The following ZMAT4 variants were observed in gnomAD, a reference collection of about 807,000 sequenced individuals.
ZMAT4 encodes zinc finger matrin-type 4, also known as zinc finger matrin-type protein 4.
In ZMAT4, 17 loss-of-function variants were observed where a neutral mutation model predicts 28.7. The ratio of observed to expected loss-of-function variants is 0.59; its 90% CI spans 0.41 to 0.89. The LOEUF (loss-of-function observed/expected upper bound fraction) is 0.89, where lower values mean the gene tolerates loss of function less well. Among genes scored for constraint, ZMAT4 ranks in the 40% least tolerant of loss-of-function variants. The pLI, the probability that ZMAT4 is intolerant of heterozygous loss-of-function variation, is 0.00. For synonymous variants in ZMAT4, 117 were observed against 109.2 expected (o/e 1.07, Z -0.44); for missense variants, 240 against 283.8 (o/e 0.85, Z 1.11).
intron 5 of ZMAT4, among the ~76,000 whole-genome samples, chr8:40,602,394 G>T (rs1359233092): frequency 6.6e-6 from 1 of 152,154 alleles, no homozygotes. Context: ...TAGTGGGAAT[G>T]CTGGCTGGAT....
At chr8:40,599,886 C>T (rs543669451) in intron 5 of ZMAT4, among the ~76,000 whole-genome samples, 2 of 152,332 alleles carry the variant, frequency 1.3e-5, no homozygotes, top group South Asian at 2.1e-4. Flanking sequence ...TTCCTTACCA[C>T]GCACAGTGCC....
chr8:40,553,045 G>T (rs1803414203), intron 6 of ZMAT4, among the ~76,000 whole-genome samples: 1 of 152,146 alleles, frequency 6.6e-6, no homozygotes, highest in Non-Finnish European at 1.5e-5. Context: ...GGCATAAATG[G>T]GTTAAAGGTG....
At chr8:40,836,214 G>T (rs564915197) in intron 1 of ZMAT4, among the ~76,000 whole-genome samples, 14 of 152,274 alleles carry the variant, frequency 9.2e-5, no homozygotes, top group African/African-American at 2.9e-4. Flanking sequence ...CCATAGAAAG[G>T]TTATTGTATG....
intron 1 of ZMAT4, among the ~76,000 whole-genome samples, chr8:40,867,098 G>T (rs531994942): frequency 6.6e-6 from 1 of 152,184 alleles, no homozygotes; most frequent in Admixed American, 6.5e-5. Flanking sequence ...GCCTCTAGCC[G>T]ATGTTATTGC....
intron 1 of ZMAT4, among the ~76,000 whole-genome samples, chr8:40,877,193 C>A (rs1563260741): frequency 6.6e-6 from 1 of 152,174 alleles, no homozygotes; most frequent in Admixed American, 6.5e-5. Flanking sequence ...GAACAGTGGT[C>A]AGGGGCAGAT....
intron 5 of ZMAT4, among the ~76,000 whole-genome samples, chr8:40,662,567 C>T (rs1808247000): frequency 6.6e-6 from 1 of 152,088 alleles, no homozygotes; most frequent in Non-Finnish European, 1.5e-5. Context: ...CTTAACCAAG[C>T]GTCTTTAGAG....
At chr8:40,642,328 A>T (rs924893649) in intron 5 of ZMAT4, among the ~76,000 whole-genome samples, 7 of 152,212 alleles carry the variant, frequency 4.6e-5, no homozygotes, top group African/African-American at 1.7e-4. Flanking sequence ...AGGGTATCCA[A>T]CAAAAGTTAT....
intron 1 of ZMAT4, among the ~76,000 whole-genome samples, chr8:40,887,096 A>G (rs996571358): frequency 1.2e-4 from 18 of 146,328 alleles, no homozygotes; most frequent in South Asian, 4.5e-4. Flanking sequence ...GCGTGAACCC[A>G]GGAGGCGGAG....
At chr8:40,664,443 C>CTA (rs1257203941) in intron 5 of ZMAT4, among the ~76,000 whole-genome samples, 3 of 152,190 alleles carry the variant, frequency 2.0e-5, no homozygotes, top group African/African-American at 7.2e-5. Context: ...AGGTTGCCAC[C>CTA]ACCATGATCC....
intron 5 of ZMAT4, among the ~76,000 whole-genome samples, chr8:40,658,066 T>C (rs988672474): frequency 6.6e-5 from 10 of 152,348 alleles, no homozygotes; most frequent in African/African-American, 2.4e-4. Flanking sequence ...CCATGTATAT[T>C]TTTCACTTTG....
At chr8:40,860,715 G>A (rs1173517608) in intron 1 of ZMAT4, among the ~76,000 whole-genome samples, 2 of 152,196 alleles carry the variant, frequency 1.3e-5, no homozygotes, top group African/African-American at 2.4e-5. Context: ...TACCCAAAAT[G>A]GTCCACAGAT....
At chr8:40,580,254 C>T (rs995152998) in intron 6 of ZMAT4, among the ~76,000 whole-genome samples, 3 of 151,944 alleles carry the variant, frequency 2.0e-5, no homozygotes, top group Admixed American at 1.3e-4. Flanking sequence ...CCTCCTGATC[C>T]GCCCACCTCA....
intron 4 of ZMAT4, among the ~76,000 whole-genome samples, chr8:40,686,530 AG>A (rs1474417333): frequency 6.6e-6 from 1 of 152,100 alleles, no homozygotes; most frequent in African/African-American, 2.4e-5. Context: ...GCTACTCGGG[AG>A]TCTGAGGTGA....
intron 6 of ZMAT4, among the ~76,000 whole-genome samples, chr8:40,575,692 A>G (rs920151417): frequency 4.9e-5 from 7 of 144,028 alleles, no homozygotes; most frequent in African/African-American, 1.9e-4. Flanking sequence ...ATTCCATAAA[A>G]TTGGAAGAGG....
Position 40,680,567 on chromosome 8 carries a change from T to C in ZMAT4, c.350-5636A>G, listed in dbSNP as rs544036312. On this transcript the variant is annotated intron_variant, in intron 4 of 6. Transcript: ENST00000297737. ...TTAGCTGGGGAAGAGGGTGACACCG[T>C]CAGCAGTGAGATAGATTCCTACCTG... Among the ~76,000 whole-genome samples the C allele has an allele frequency of 4.6e-5, 7 of 152,162 alleles. No individual in the cohort carries two copies. In the South Asian group the frequency reaches 1.5e-3, roughly 32 times the overall value.
At chr8:40,615,796 C>A (rs1805981472) in intron 5 of ZMAT4, among the ~76,000 whole-genome samples, 1 of 152,270 alleles carries the variant, frequency 6.6e-6, no homozygotes, top group South Asian at 2.1e-4. Flanking sequence ...TTAAGGACTT[C>A]TCTACACTGA....
chr8:40,792,713 A>G (rs1211427660), intron 2 of ZMAT4, among the ~76,000 whole-genome samples: 8 of 4,824 alleles, frequency 1.7e-3, no homozygotes, highest in South Asian at 0.013. Context: ...GGAGGGGAGG[A>G]GGTGGGGAGG....
chr8:40,697,634 T>C (rs571593198), intron 3 of ZMAT4, among the ~76,000 whole-genome samples: 70 of 152,134 alleles, frequency 4.6e-4, no homozygotes, highest in Non-Finnish European at 7.6e-4. Context: ...TAGGTATACA[T>C]GTGCCATGGT....
In ZMAT4 at chr8:40,892,939, C is replaced by T. The variant is rs1319085868; in HGVS notation, c.-5+4744G>A. ...CTGTGGCTCCTGCCTCAGCTAAAAGCCCCTGCTTATCCGTTTCCTAAAGAT... is the reference window on the plus strand; with the variant it reads ...CTGTGGCTCCTGCCTCAGCTAAAAGTCCCTGCTTATCCGTTTCCTAAAGAT... On this transcript the variant is annotated intron_variant, in intron 1 of 6. Coordinates refer to ENST00000297737, the MANE Select transcript of ZMAT4 (RefSeq NM_024645.3). Among the ~76,000 whole-genome samples, 12 of 152,204 alleles carry T rather than the reference C, an allele frequency of 7.9e-5. No individual in the cohort carries two copies. In the East Asian group the frequency reaches 2.3e-3, roughly 29 times the overall value.
Sources: allele counts gnomAD v4.1 joint callset (sites outside exome capture counted in the v4.1 genomes callset), GRCh38; gene constraint gnomAD v4.1.1; transcripts MANE v1.5; gene names NCBI Gene and HGNC (gene_info 2026-07-23, HGNC 2026-07-21).